Variants in XRCC1 observed in about 807,000 individuals in gnomAD.
The protein encoded by XRCC1 is X-ray repair cross complementing 1, also known as DNA repair protein XRCC1.
A neutral mutation model predicts 83.3 loss-of-function variants in XRCC1; 52 were observed. The observed-to-expected ratio is 0.62, with a 90% confidence interval of 0.50 to 0.79. XRCC1 has a LOEUF of 0.79. XRCC1 is among the 30% of genes least tolerant of loss of function. XRCC1 has a pLI of 0.00. For missense variants in XRCC1, 793 were observed against 823.5 expected (o/e 0.96, Z 0.45); for synonymous variants, 281 against 312.6 (o/e 0.90, Z 1.07).
chr19:43,574,751 T>C, intron 2 of XRCC1, 159 bp downstream of exon 2: 1 of 632,284 alleles, frequency 1.6e-6, no homozygotes, highest in Non-Finnish European at 2.8e-6. Flanking sequence ...CTTTCCTCTC[T>C]GCTGAGGGGC....
In XRCC1 at chr19:43,560,967, A is replaced by G; in HGVS notation, c.198T>C (p.Ala66=). ...HSVDIGNDGS[A]FVEVLVGSSA... ...AACTGCCCACCAGCACCTCCACGAAAGCTGAGCCATCATTCCCAATGTCCA... is the reference window on the plus strand; with the variant it reads ...AACTGCCCACCAGCACCTCCACGAAGGCTGAGCCATCATTCCCAATGTCCA... Residue 66 remains alanine (A), a synonymous_variant, in exon 3 of 17, where the codon GCT becomes GCC. Coordinates refer to ENST00000262887, the MANE Select transcript of XRCC1 (RefSeq NM_006297.3). 6.2e-7 allele frequency: 1 copy of G among 1,614,198 alleles called. No individual in the cohort carries two copies. Among genetic ancestry groups the G allele is most frequent in the Non-Finnish European group, 8.5e-7 (1 of 1,180,034 alleles).
Position 43,573,700 on chromosome 19 carries a change from C to T in XRCC1, c.144+1210G>A, listed in dbSNP as rs545243194. ...CCAGCCTGGCAACATGGTGGAAACC[C>T]CATCTCTAAAAAAATACAAAAAAAA... On this transcript the variant is annotated intron_variant, in intron 2 of 16. Transcript: ENST00000262887. Among the ~76,000 whole-genome samples the T allele has an allele frequency of 4.6e-5, 7 of 151,400 alleles. No homozygotes were observed. In the South Asian group the frequency reaches 1.0e-3, roughly 23 times the overall value.
In XRCC1 at chr19:43,546,420, C is replaced by T. The variant is rs572775534; in HGVS notation, c.1426+175G>A. Among the ~76,000 whole-genome samples, 393 of 146,170 alleles carry T rather than the reference C, an allele frequency of 2.7e-3. 7 individuals carry two copies. The highest frequency in any genetic ancestry group is 1.9e-3 in the Non-Finnish European group (129 of 66,418). ...CCTCCCTCAGACCCAGGAGTCCAGG[C>T]CCCCAGCCCCTCATCCCTCAGACCC... On this transcript the variant is annotated intron_variant, in intron 12 of 16. Transcript: ENST00000262887.
chr19:43,552,490 G>A (rs536184531), intron 8 of XRCC1, among the ~76,000 whole-genome samples: 42 of 51,650 alleles, frequency 8.1e-4, no homozygotes, highest in South Asian at 1.4e-3. Context: ...CCTCCCTCAG[G>A]CCCAGGAGTC....
In XRCC1 at chr19:43,545,950, C is replaced by T; in HGVS notation, c.1489G>A (p.Glu497Lys). Residue 497 changes from glutamate to lysine, a missense_variant, in exon 14 of 17, where the codon GAG (glutamate) becomes AAG (lysine). By Grantham distance (56) the Glu-to-Lys change is moderately conservative. Transcript: ENST00000262887. ...GGGGGCAGTCTGTGTTCCTTCTGCT[C>T]TGCCACCCTGGGGGTGCCAAGAGGA... Reference protein sequence around the residue: ...DTEDELRRVAEQKEHRLPPGQ... With the variant: ...DTEDELRRVAKQKEHRLPPGQ... The T allele has an allele frequency of 1.2e-6, 2 of 1,613,852 alleles. No homozygotes were observed. The highest frequency in any genetic ancestry group is 3.3e-5 in the Admixed American group (2 of 59,998).
rs1263374107 is a variant in XRCC1, at chr19:43,574,617, C to G, written c.144+293G>C. On this transcript the variant is annotated intron_variant, in intron 2 of 16. Transcript: ENST00000262887. The stretch of plus-strand genomic sequence containing the variant: ...CCCTGAGCCCACTGGCTGCAGGAGG[C>G]AGAGTACGTGGCAATGATTCATTTT... 8.4e-6 allele frequency: 3 copies of G among 356,566 alleles called. No individual in the cohort carries two copies. The East Asian group carries it at 1.6e-4, about 19-fold the overall frequency. The allele number at this position is 356,566 out of a possible 1,614,324, so 22.1% of individuals were successfully genotyped here.
chr19:43,572,982 G>A (rs982778135), intron 2 of XRCC1, among the ~76,000 whole-genome samples: 8 of 146,080 alleles, frequency 5.5e-5, no homozygotes, highest in African/African-American at 2.1e-4. Flanking sequence ...TCACAGGCCG[G>A]AGTGCAGTGA....
intron 3 of XRCC1, 122 bp from the exon 4 acceptor site, chr19:43,554,926 T>C (rs933580607): frequency 8.7e-7 from 1 of 1,150,858 alleles, no homozygotes; most frequent in Non-Finnish European, 1.2e-6. Flanking sequence ...AGAATGTAGC[T>C]TGGGCCTAGA....
chr19:43,553,713 T>A, intron 4 of XRCC1, 30 bp from the exon 5 acceptor site: 1 of 1,508,996 alleles, frequency 6.6e-7, no homozygotes. Context: ...AGTCAGGGAG[T>A]CTGGCCCAAG....
intron 2 of XRCC1, among the ~76,000 whole-genome samples, chr19:43,573,466 T>A (rs1380499255): frequency 6.6e-6 from 1 of 152,118 alleles, no homozygotes; most frequent in Non-Finnish European, 1.5e-5. Flanking sequence ...ATACTCCCCC[T>A]CCAGTGGGAG....
chr19:43,567,728 C>T (rs1024419622), intron 2 of XRCC1, among the ~76,000 whole-genome samples: 3 of 152,030 alleles, frequency 2.0e-5, no homozygotes, highest in South Asian at 2.1e-4. Flanking sequence ...TGACTATCAC[C>T]GATGGCCTGG....
At chr19:43,546,520 G>A (rs1972512053) in intron 12 of XRCC1, 75 bp downstream of exon 12, 2 of 1,518,900 alleles carry the variant, frequency 1.3e-6, no homozygotes, top group African/African-American at 2.9e-5. Context: ...CTCAGACTCA[G>A]GAGCCCAGGC....
rs770017879 is a variant in XRCC1 at position 43,551,696 on chromosome 19, G to C, written c.1083-9C>G. 2 of 1,610,928 alleles carry C rather than the reference G, an allele frequency of 1.2e-6. No individual in the cohort carries two copies. The highest frequency in any genetic ancestry group is 2.7e-5 in the African/African-American group (2 of 74,980). On this transcript the variant is annotated splice_polypyrimidine_tract_variant and intron_variant, in intron 9 of 16. Coordinates refer to ENST00000262887, the MANE Select transcript of XRCC1 (RefSeq NM_006297.3). ...TGTTGGCAAAGGCACAGCTGGTGGGGGGCAGAAGTGAAGATGCCAGTTAGG... is the reference window on the plus strand; with the variant it reads ...TGTTGGCAAAGGCACAGCTGGTGGGCGGCAGAAGTGAAGATGCCAGTTAGG...
intron 10 of XRCC1, among the ~76,000 whole-genome samples, chr19:43,548,784 A>AAAAAAAAAAAAAAAAAAAC (rs752610644): frequency 5.6e-5 from 8 of 142,176 alleles, no homozygotes; most frequent in African/African-American, 1.4e-4. Context: ...AAAAAAAAAA[A>AAAAAAAAAAAAAAAAAAAC]AACACAACAG....
intron 3 of XRCC1, among the ~76,000 whole-genome samples, chr19:43,559,703 G>A (rs1363248174): frequency 6.6e-6 from 1 of 152,140 alleles, no homozygotes; most frequent in African/African-American, 2.4e-5. Context: ...GCACTTTGCA[G>A]ATGTGATGAA....
rs753394879 is a variant in XRCC1, at chr19:43,544,275, G to A, written c.1622-41C>T. Reference sequence around the variant, plus strand: ...GGGCTAAGGTAAGCATGAGGCCCCAGGAGTTCCCAGGCACCAAACAGGAGT... The same window carrying A: ...GGGCTAAGGTAAGCATGAGGCCCCAAGAGTTCCCAGGCACCAAACAGGAGT... On this transcript the variant is annotated intron_variant, in intron 14 of 16. Coordinates refer to ENST00000262887, the MANE Select transcript of XRCC1 (RefSeq NM_006297.3). 28 of 1,539,154 alleles carry A rather than the reference G, an allele frequency of 1.8e-5. No individual in the cohort carries two copies. In the South Asian group the frequency reaches 2.1e-4, roughly 12 times the overall value.
chr19:43,563,928 G>A (rs1972726507), intron 2 of XRCC1, among the ~76,000 whole-genome samples: 1 of 152,180 alleles, frequency 6.6e-6, no homozygotes, highest in African/African-American at 2.4e-5. Flanking sequence ...TATCGTCTGA[G>A]TTGTTCCCTA....
At position 43,552,136 on chromosome 19, in the gene XRCC1, C is replaced by T. The variant is rs1244721901; in HGVS notation, c.963G>A (p.Gln321=). Residue 321 remains glutamine (Q), a synonymous_variant, in exon 9 of 17, where the codon CAG becomes CAA. Transcript: ENST00000262887. Reference sequence around the variant, plus strand: ...AGCCACTCAGCACCACTACCACACCCTGAAGGATCTTCCCCAGCTCCTCTG... The same window carrying T: ...AGCCACTCAGCACCACTACCACACCTTGAAGGATCTTCCCCAGCTCCTCTG... ...AGPEELGKIL[Q]GVVVVLSGFQ... 1.2e-6 allele frequency: 2 copies of T among 1,614,000 alleles called. No individual in the cohort carries two copies. Among genetic ancestry groups the T allele is most frequent in the Non-Finnish European group, 1.7e-6 (2 of 1,179,994 alleles).
chr19:43,551,797 C>A, intron 9 of XRCC1, 110 bp from the exon 10 acceptor site: 1 of 1,047,978 alleles, frequency 9.5e-7, no homozygotes, highest in Non-Finnish European at 1.5e-6. Context: ...ACAGACAGAT[C>A]ATGAGATTGA....
Sources: gnomAD v4.1 joint callset for allele counts (sites outside exome capture counted in the v4.1 genomes callset) on GRCh38, gnomAD v4.1.1 for gene constraint, MANE v1.5 for transcripts, NCBI Gene and HGNC (gene_info 2026-07-23, HGNC 2026-07-21) for gene names.